MAX: variants seen among roughly 807,000 people sequenced by gnomAD.
MAX encodes MYC associated transcriptional regulator X.
Under a neutral mutation model 22.3 loss-of-function variants are expected in MAX, and 3 were observed. That is an observed-to-expected ratio of 0.13 (90% CI 0.06 to 0.35). The LOEUF (loss-of-function observed/expected upper bound fraction) is 0.35, where lower values mean the gene tolerates loss of function less well. Ranked by LOEUF, MAX falls within the 10% of genes least tolerant of loss-of-function variation. The pLI is 1.00. For missense variants in MAX, 119 were observed against 209.4 expected (o/e 0.57, Z 2.66); for synonymous variants, 72 against 77.7 (o/e 0.93, Z 0.39).
chr14:65,017,170 G>A (rs932087537), intron 3 of MAX, among the ~76,000 whole-genome samples: 31 of 152,026 alleles, frequency 2.0e-4, no homozygotes, highest in African/African-American at 6.3e-4. Context: ...TGATCTACCT[G>A]CCTCGGCCTC....
intron 3 of MAX, among the ~76,000 whole-genome samples, chr14:65,059,063 C>G (rs2062805216): frequency 6.6e-6 from 1 of 152,096 alleles, no homozygotes; most frequent in African/African-American, 2.4e-5. Context: ...CACTCTGTCA[C>G]TCATGCTGGA....
Position 65,007,964 on chromosome 14 carries a change from A to G in MAX, c.172-1680T>C, listed in dbSNP as rs2061621263. Among the ~76,000 whole-genome samples, 1 of 152,166 alleles carries G rather than the reference A, an allele frequency of 6.6e-6. No homozygotes were observed. The highest frequency in any genetic ancestry group is 6.5e-5 in the Admixed American group (1 of 15,276). On this transcript the variant is annotated intron_variant, in intron 3 of 3. Coordinates refer to the MAX transcript ENST00000341653. The surrounding 1 kb of genome is among the most constrained non-coding windows in gnomAD (Gnocchi z 4.9). ...CTCTGAAGCCAGAATACTCTGAGTT[A>G]AAGTCCTCAAAGCAGGTCTCTCACA...
intron 3 of MAX, among the ~76,000 whole-genome samples, chr14:65,086,630 T>C (rs1419427523): frequency 6.6e-6 from 1 of 152,142 alleles, no homozygotes; most frequent in Middle Eastern, 3.2e-3. Flanking sequence ...GAGGAAGAAA[T>C]TTCTAAGCAG....
rs1242242360 is a variant in MAX at position 65,060,869 on chromosome 14, TC to T, written c.171+32838del. Among the ~76,000 whole-genome samples, 85 of 42,984 alleles carry T rather than the reference TC, an allele frequency of 2.0e-3. 4 individuals carry two copies. In the East Asian group the frequency reaches 0.044, roughly 22 times the overall value. The allele number at this position is 42,984 out of a possible 152,430, so 28.2% of individuals were successfully genotyped here. The stretch of plus-strand genomic sequence containing the variant: ...GCCTGGGCAACAGAGCAAGACTCTC[TC>T]AAAAAAAAAAAAAAAAAAAAAAAAA... On this transcript the variant is annotated intron_variant, in intron 3 of 3. Coordinates refer to the MAX transcript ENST00000341653.
At chr14:65,073,100 T>C (rs2063006168), downstream of MAX, among the ~76,000 whole-genome samples, 1 of 152,228 alleles carries the variant, frequency 6.6e-6, no homozygotes, top group African/African-American at 2.4e-5. Flanking sequence ...AAGCACATTA[T>C]AAGCATTATC....
At position 65,078,107 on chromosome 14, in the gene MAX, T is replaced by A; in HGVS notation, c.172-71A>T. The A allele has an allele frequency of 1.3e-6, 2 of 1,581,530 alleles. No homozygotes were observed. The highest frequency in any genetic ancestry group is 4.5e-5 in the East Asian group (2 of 44,690). ...ATCCAGGCAGTGAGGGAACCTGGCC[T>A]GCAGCAACTGCTTGGGTGGCTGGAA... is the stretch of plus-strand genomic sequence containing the variant. On this transcript the variant is annotated intron_variant, in intron 3 of 4. Transcript: ENST00000358664. The surrounding 1 kb of genome is among the most constrained non-coding windows in gnomAD (Gnocchi z 6.4).
intron 3 of MAX, among the ~76,000 whole-genome samples, chr14:65,055,281 G>A (rs954912478): frequency 6.6e-6 from 1 of 152,180 alleles, no homozygotes; most frequent in Non-Finnish European, 1.5e-5. Flanking sequence ...CAACCTGGAG[G>A]TGCTCTGAGC....
Position 65,054,481 on chromosome 14 carries a change from G to A in MAX, c.171+39227C>T. ...CCACATGGAGGATGGGGGGGGACGTGTGATTGCACCAGTGGTCTCTGAATT... is the reference window on the plus strand; with the variant it reads ...CCACATGGAGGATGGGGGGGGACGTATGATTGCACCAGTGGTCTCTGAATT... On this transcript the variant is annotated intron_variant, in intron 3 of 3. Coordinates refer to the MAX transcript ENST00000341653. This position sits in a 1 kb window ranked among gnomAD's most constrained non-coding sequence, Gnocchi z 4.4. The A allele has an allele frequency of 7.8e-7, 1 of 1,275,118 alleles. No individual in the cohort carries two copies. Among genetic ancestry groups the A allele is most frequent in the South Asian group, 1.3e-5 (1 of 74,104 alleles). The allele number at this position is 1,275,118 out of a possible 1,614,324, so 79.0% of individuals were successfully genotyped here.
In MAX at chr14:65,019,989, T is replaced by G. The variant is rs557511891; in HGVS notation, c.172-13705A>C. Among the ~76,000 whole-genome samples, 138 of 152,334 alleles carry G rather than the reference T, an allele frequency of 9.1e-4. 7 individuals are homozygous for G. In the South Asian group the frequency reaches 0.024, roughly 26 times the overall value. On this transcript the variant is annotated intron_variant, in intron 3 of 3. Transcript: ENST00000341653. ...GTTTTCTTTCTTCATACAAATATAT[T>G]AAGGTGACCTAGAGTCAAAAAGTCT...
intron 1 of MAX, 114 bp downstream of exon 1, chr14:65,102,190 A>G: frequency 1.3e-6 from 2 of 1,546,444 alleles, no homozygotes; most frequent in Non-Finnish European, 8.8e-7. Flanking sequence ...CCCCGAGGGG[A>G]AGGGGAAGGA....
At chr14:65,015,419 T>C in intron 3 of MAX, 7 of 294,004 alleles carry the variant, frequency 2.4e-5, no homozygotes, top group Middle Eastern at 1.0e-3. Context: ...TCTTTTTTTT[T>C]TTTTTTTTTT....
intron 3 of MAX, among the ~76,000 whole-genome samples, chr14:65,066,660 G>A (rs951720810): frequency 1.3e-5 from 2 of 152,094 alleles, no homozygotes; most frequent in African/African-American, 4.8e-5. Flanking sequence ...TTCATGACCA[G>A]CCTGACCAAC....
rs2063881844 is a variant in MAX, at chr14:65,102,486, C to T, written c.-147G>A. 3.3e-6 allele frequency: 5 copies of T among 1,502,956 alleles called. No homozygotes were observed. Among genetic ancestry groups the T allele is most frequent in the Middle Eastern group, 2.3e-4 (1 of 4,348 alleles). The allele number at this position is 1,502,956 out of a possible 1,614,324, so 93.1% of individuals were successfully genotyped here. Reference sequence around the variant, plus strand: ...TCACTCGCTCTCTCACTCACACACACACACAACACGGGCAAGAACCACCTC... The same window carrying T: ...TCACTCGCTCTCTCACTCACACACATACACAACACGGGCAAGAACCACCTC... On this transcript the variant is annotated 5_prime_UTR_variant, in exon 1 of 5. In the 5' UTR this introduces an upstream ATG that the reference lacks. Coordinates refer to ENST00000358664, the MANE Select transcript of MAX (RefSeq NM_002382.5).
At chr14:65,102,659 G>T (rs1291216407), upstream of MAX, 6 of 944,244 alleles carry the variant, frequency 6.4e-6, no homozygotes, top group East Asian at 1.3e-4. Context: ...TACAAATCCC[G>T]GAAGAAACCG....
intron 3 of MAX, among the ~76,000 whole-genome samples, chr14:65,040,259 G>GTATATATATATGTGTGTATA: frequency 6.9e-6 from 1 of 144,986 alleles, no homozygotes; most frequent in East Asian, 2.5e-4. Context: ...ATATATATAT[G>GTATATATATATGTGTGTATA]TATATATATG....
chr14:65,075,017 A>AG, downstream of MAX: 1 of 989,346 alleles, frequency 1.0e-6, no homozygotes, highest in African/African-American at 1.7e-5. The surrounding 1 kb of genome is among the most constrained non-coding windows in gnomAD (Gnocchi z 4.1). Flanking sequence ...AGACCGGGTA[A>AG]GCCACCTCCA....
intron 3 of MAX, among the ~76,000 whole-genome samples, chr14:65,092,229 T>C (rs1212828118): frequency 6.6e-6 from 1 of 152,178 alleles, no homozygotes; most frequent in East Asian, 1.9e-4. Flanking sequence ...ATTCCCAGGT[T>C]TCCATCCAGA....
chr14:65,043,882 T>A (rs924802643), intron 3 of MAX, among the ~76,000 whole-genome samples: 1 of 145,732 alleles, frequency 6.9e-6, no homozygotes, highest in East Asian at 2.0e-4. Context: ...CCAAATTCCA[T>A]TTATCTGCTT....
At chr14:65,086,499 T>G (rs1415826915) in intron 3 of MAX, among the ~76,000 whole-genome samples, 1 of 152,190 alleles carries the variant, frequency 6.6e-6, no homozygotes, top group African/African-American at 2.4e-5. Context: ...ATGAGGAACT[T>G]GTTGAGAACT....
Sources: allele counts gnomAD v4.1 joint callset (sites outside exome capture counted in the v4.1 genomes callset), GRCh38; gene constraint gnomAD v4.1.1; non-coding constraint Gnocchi (gnomAD v3.1); transcripts MANE v1.5; gene names NCBI Gene and HGNC (gene_info 2026-07-23, HGNC 2026-07-21).